LONP2: variants seen among roughly 807,000 people sequenced by gnomAD.
The protein encoded by LONP2 is lon protease homolog 2, peroxisomal.
A neutral mutation model predicts 85.6 loss-of-function variants in LONP2; 60 were observed. The ratio of observed to expected loss-of-function variants is 0.70; its 90% confidence interval spans 0.57 to 0.87. LONP2 has a LOEUF of 0.87. Ranked by LOEUF, LONP2 falls within the 40% of genes least tolerant of loss-of-function variation. The probability of loss-of-function intolerance (pLI) is 0.00; values close to 1 mark genes in which losing one functional copy is unlikely to be tolerated. For missense variants in LONP2, 860 were observed against 1,063.5 expected (o/e 0.81, Z 2.66); for synonymous variants, 395 against 389.7 (o/e 1.01, Z -0.16).
intron 8 of LONP2, among the ~76,000 whole-genome samples, chr16:48,291,658 A>G (rs1359435314): frequency 6.6e-6 from 1 of 152,214 alleles, no homozygotes; most frequent in South Asian, 2.1e-4. Context: ...TATTTTTGAA[A>G]GTGGCCCTGG....
chr16:48,251,325 A>T (rs1269147306), intron 1 of LONP2, among the ~76,000 whole-genome samples: 1 of 152,118 alleles, frequency 6.6e-6, no homozygotes, highest in East Asian at 1.9e-4. Flanking sequence ...TTGTCTTCTC[A>T]ATGTTGATTT....
intron 11 of LONP2, among the ~76,000 whole-genome samples, chr16:48,319,210 T>G (rs1973211465): frequency 6.6e-6 from 1 of 152,056 alleles, no homozygotes; most frequent in Non-Finnish European, 1.5e-5. Context: ...TGAAACCCTG[T>G]CTCTACTAAA....
chr16:48,278,867 A>G (rs1972268520), intron 8 of LONP2, among the ~76,000 whole-genome samples: 1 of 152,006 alleles, frequency 6.6e-6, no homozygotes, highest in Non-Finnish European at 1.5e-5. Flanking sequence ...TGGAACTCCC[A>G]TGACTTGGAT....
intron 10 of LONP2, among the ~76,000 whole-genome samples, chr16:48,302,610 T>A (rs1400189465): frequency 6.6e-6 from 1 of 152,260 alleles, no homozygotes; most frequent in African/African-American, 2.4e-5. Context: ...GTCCTCAAAG[T>A]CAGTGCTGTC....
intron 6 of LONP2, among the ~76,000 whole-genome samples, chr16:48,266,204 C>T (rs1323248644): frequency 2.0e-5 from 3 of 152,014 alleles, no homozygotes; most frequent in Non-Finnish European, 4.4e-5. Flanking sequence ...GGGGTTTCAC[C>T]ATGTTGGACA....
chr16:48,303,517 T>C (rs1428225300), intron 11 of LONP2, among the ~76,000 whole-genome samples: 1 of 152,168 alleles, frequency 6.6e-6, no homozygotes, highest in East Asian at 1.9e-4. Context: ...TTAACTGGAA[T>C]AATAATATGA....
At chr16:48,316,991 T>C (rs547727051) in intron 11 of LONP2, among the ~76,000 whole-genome samples, 1 of 152,336 alleles carries the variant, frequency 6.6e-6, no homozygotes, top group South Asian at 2.1e-4. Flanking sequence ...CTGTCAAGGC[T>C]GAGTTTTAGG....
At position 48,351,686 on chromosome 16, in the gene LONP2, G is replaced by T. The variant is rs755154404; in HGVS notation, c.2443G>T (p.Val815Leu). ...EKDLEGIPGNVRQDLSFVTAS... is the reference protein window; with the variant it reads ...EKDLEGIPGNLRQDLSFVTAS... The stretch of plus-strand genomic sequence containing the variant: ...AGACCTTGAGGGAATCCCAGGCAAC[G>T]TACGACAGGATTTAAGTTTTGTCAC... The change falls in exon 15 of 15, where the codon GTA becomes TTA. Residue 815 changes from valine (V) to leucine (L), a missense_variant. By Grantham distance (32) the Val-to-Leu change is conservative (BLOSUM62 1). Around this residue, in one of 3 missense-constraint regions of LONP2, gnomAD observed 115 missense variants for 129.0 expected, o/e 0.89. Transcript: ENST00000285737. 2 of 1,614,044 alleles carry T rather than the reference G, an allele frequency of 1.2e-6. No individual in the cohort carries two copies. Among genetic ancestry groups the T allele is most frequent in the African/African-American group, 1.3e-5 (1 of 74,920 alleles).
chr16:48,345,421 T>C (rs1327392581), intron 12 of LONP2: 3 of 152,238 alleles, frequency 2.0e-5, no homozygotes, highest in African/African-American at 4.8e-5. Context: ...CTGAATGAAG[T>C]CTAATTTGGG....
chr16:48,261,024 A>T (rs1971863632), intron 4 of LONP2, among the ~76,000 whole-genome samples: 1 of 152,202 alleles, frequency 6.6e-6, no homozygotes, highest in African/African-American at 2.4e-5. Context: ...AAATTTTGTA[A>T]TGTAGGAGAT....
chr16:48,334,708 C>A, intron 12 of LONP2: 1 of 555,610 alleles, frequency 1.8e-6, no homozygotes, highest in Non-Finnish European at 3.6e-6. Context: ...CATCCTTCAG[C>A]TGTTTGCCCT....
chr16:48,362,472 A>T lies in LONP2; in HGVS notation c.*609A>T. 6.3e-7 allele frequency: 1 copy of T among 1,590,836 alleles called. No individual in the cohort carries two copies. The highest frequency in any genetic ancestry group is 8.6e-7 in the Non-Finnish European group (1 of 1,162,452). ...AGGAGGCAGGAGAAAAATAATTATAACCATGACTTACTTTATAAATAATGT... is the reference window on the plus strand; with the variant it reads ...AGGAGGCAGGAGAAAAATAATTATATCCATGACTTACTTTATAAATAATGT... On this transcript the variant is annotated 3_prime_UTR_variant, in exon 5 of 5. Transcript: ENST00000565867. The surrounding 1 kb of genome is among the most constrained non-coding windows in gnomAD (Gnocchi z 4.2).
At chr16:48,248,313 A>G (rs1971518270) in intron 1 of LONP2, among the ~76,000 whole-genome samples, 2 of 138,836 alleles carry the variant, frequency 1.4e-5, no homozygotes, top group Admixed American at 7.3e-5. Flanking sequence ...TTTGGTGGAG[A>G]CGGGGTTTTG....
chr16:48,276,473 G>A (rs74016382), intron 7 of LONP2, among the ~76,000 whole-genome samples: 2,095 of 152,252 alleles, frequency 0.014, 48 homozygotes, highest in African/African-American at 0.048. Flanking sequence ...ATAGACAGCA[G>A]GGTTATAATT....
chr16:48,318,467 C>T lies in LONP2; in HGVS notation c.1795+15162C>T, dbSNP rs1227102361. 7.3e-5 allele frequency among the ~76,000 whole-genome samples: 11 copies of T among 151,652 alleles called. No homozygotes were observed. The South Asian group carries it at 1.7e-3, about 23-fold the overall frequency. On this transcript the variant is annotated intron_variant, in intron 11 of 14. Transcript: ENST00000285737. The stretch of plus-strand genomic sequence containing the variant: ...CTGGGAGGCGGGGATTGCAGTGAGC[C>T]GAGATCACACCACAGCACTCTAGCC...
downstream of LONP2, among the ~76,000 whole-genome samples, chr16:48,358,260 TCACA>T (rs375546786): frequency 6.6e-6 from 1 of 152,142 alleles, no homozygotes. Flanking sequence ...ATGGAAAACT[TCACA>T]CAGTTACTGG....
rs1296274243 is a variant in LONP2 at position 48,352,101 on chromosome 16, AAC to A, written c.*300_*301del. Reference sequence around the variant, plus strand: ...AACAGAAGCATCTGTAGTACCTGGTAACTTGTTAGAAATGTACATTCTCAGGC... The same window carrying A: ...AACAGAAGCATCTGTAGTACCTGGTATTGTTAGAAATGTACATTCTCAGGC... On this transcript the variant is annotated 3_prime_UTR_variant, in exon 15 of 15. Transcript: ENST00000285737. 6.7e-6 allele frequency: 2 copies of A among 298,586 alleles called. No individual in the cohort carries two copies. The highest frequency in any genetic ancestry group is 6.3e-6 in the Non-Finnish European group (1 of 159,500). 18.5% of individuals were successfully genotyped at this position (298,586 alleles called of 1,614,324 possible). A position where few individuals can be genotyped will look rare whatever the true frequency, so the allele number is the denominator to read the frequency against.
At chr16:48,249,549 A>G (rs1971573079) in intron 1 of LONP2, among the ~76,000 whole-genome samples, 1 of 152,172 alleles carries the variant, frequency 6.6e-6, no homozygotes, top group Non-Finnish European at 1.5e-5. Context: ...GTTTCTAGCC[A>G]TCTATAATTT....
rs1960282466 is a variant in LONP2 at position 48,354,883 on chromosome 16, GCT to G, written c.*3082_*3083del. On this transcript the variant is annotated 3_prime_UTR_variant, in exon 15 of 15. Coordinates refer to ENST00000285737, the MANE Select transcript of LONP2 (RefSeq NM_031490.5). Reference sequence around the variant, plus strand: ...AACTTTTTATTATTTGCAACAGTTAGCTTTCTTTGTTTCACATCTCTGCCTTG... The same window carrying G: ...AACTTTTTATTATTTGCAACAGTTAGTTCTTTGTTTCACATCTCTGCCTTG... 1 of 152,002 alleles carries G rather than the reference GCT, an allele frequency of 6.6e-6. No individual in the cohort carries two copies. The highest frequency in any genetic ancestry group is 1.5e-5 in the Non-Finnish European group (1 of 68,010). The allele number at this position is 152,002 out of a possible 1,614,324, so 9.4% of individuals were successfully genotyped here. A position where few individuals can be genotyped will look rare whatever the true frequency, so the allele number is the denominator to read the frequency against.
Sources: allele counts gnomAD v4.1 joint callset (sites outside exome capture counted in the v4.1 genomes callset), GRCh38; gene constraint gnomAD v4.1.1; regional missense constraint gnomAD v4.1.1; non-coding constraint Gnocchi (gnomAD v3.1); transcripts MANE v1.5; gene names NCBI Gene and HGNC (gene_info 2026-07-23, HGNC 2026-07-21).